PPHLN1: variants seen among roughly 807,000 people sequenced by gnomAD.
PPHLN1 encodes the protein periphilin-1.
In PPHLN1, 29 loss-of-function variants were observed where a neutral mutation model predicts 51.3. The observed-to-expected ratio is 0.57, with a 90% CI of 0.42 to 0.77. PPHLN1 has a LOEUF of 0.77. Ranked by LOEUF, PPHLN1 falls within the 30% of genes least tolerant of loss-of-function variation. PPHLN1 has a pLI of 0.00. For synonymous variants in PPHLN1, 147 were observed against 147.8 expected (o/e 0.99, Z 0.04); for missense variants, 436 against 438.4 (o/e 0.99, Z 0.05).
chr12:42,432,022 C>G, intron 9 of PPHLN1: 1 of 1,531,178 alleles, frequency 6.5e-7, no homozygotes, highest in Non-Finnish European at 9.1e-7. Context: ...GGATTGCTGT[C>G]TGGATCTTTG....
chr12:42,402,473 G>C (rs1376918483), intron 9 of PPHLN1, among the ~76,000 whole-genome samples: 1 of 152,070 alleles, frequency 6.6e-6, no homozygotes, highest in South Asian at 2.1e-4. Flanking sequence ...TTTGAATTCC[G>C]TACTATCACC....
At chr12:42,398,804 G>A in intron 8 of PPHLN1, 50 bp from the exon 9 acceptor site, 1 of 1,577,976 alleles carries the variant, frequency 6.3e-7, no homozygotes, top group Non-Finnish European at 8.7e-7. Flanking sequence ...CATCTGAACT[G>A]CTCTATGTTT....
At chr12:42,426,824 A>G (rs1014898283) in intron 9 of PPHLN1, among the ~76,000 whole-genome samples, 2 of 152,176 alleles carry the variant, frequency 1.3e-5, no homozygotes, top group Non-Finnish European at 2.9e-5. Context: ...GTTCTGAGAC[A>G]TAACTTCTGT....
intron 1 of PPHLN1, chr12:42,329,677 A>G (rs1053100324): frequency 1.3e-5 from 2 of 152,216 alleles, no homozygotes; most frequent in Non-Finnish European, 2.9e-5. Context: ...ATCTTAGATT[A>G]TTAGTGCTAA....
At chr12:42,350,011 G>C (rs1260718518) in intron 2 of PPHLN1, among the ~76,000 whole-genome samples, 5 of 149,796 alleles carry the variant, frequency 3.3e-5, no homozygotes, top group Non-Finnish European at 7.4e-5. Flanking sequence ...CCACCCCCCA[G>C]AGGGGGTGGC....
chr12:42,349,078 G>C (rs1269106512), intron 2 of PPHLN1, among the ~76,000 whole-genome samples: 1 of 152,042 alleles, frequency 6.6e-6, no homozygotes, highest in Non-Finnish European at 1.5e-5. Flanking sequence ...AAATTTCCTA[G>C]CTATTGAGAG....
chr12:42,445,164 G>T (rs528740709), downstream of PPHLN1: 799 of 701,522 alleles, frequency 1.1e-3, 2 homozygotes, highest in Non-Finnish European at 1.9e-3. Context: ...ACATATTTGA[G>T]CCCACAGCTC....
chr12:42,417,236 CAG>C (rs535994897), intron 9 of PPHLN1, among the ~76,000 whole-genome samples: 2 of 152,156 alleles, frequency 1.3e-5, no homozygotes, highest in South Asian at 4.1e-4. Flanking sequence ...AGAGGAAAAA[CAG>C]AATAACTGAT....
intron 9 of PPHLN1, chr12:42,400,328 C>A: frequency 6.6e-6 from 1 of 151,340 alleles, no homozygotes. Flanking sequence ...ATTAGCCGGG[C>A]GTAGTGGCGG....
rs1010541290 is a variant in PPHLN1, at chr12:42,342,784, G to A, written c.72+6810G>A. ...GCAGCAGGGAGAACAATATTGACTAGTAGTGATGTCAAGAACAGCAACACG... is the reference window on the plus strand; with the variant it reads ...GCAGCAGGGAGAACAATATTGACTAATAGTGATGTCAAGAACAGCAACACG... On this transcript the variant is annotated intron_variant, in intron 2 of 9. Transcript: ENST00000358314. 4.6e-5 allele frequency among the ~76,000 whole-genome samples: 7 copies of A among 152,208 alleles called. No individual in the cohort carries two copies. The East Asian group carries it at 1.3e-3, about 29-fold the overall frequency.
At chr12:42,414,621 C>G (rs1259325167) in intron 9 of PPHLN1, among the ~76,000 whole-genome samples, 1 of 152,168 alleles carries the variant, frequency 6.6e-6, no homozygotes, top group Non-Finnish European at 1.5e-5. Context: ...TTCATATACA[C>G]TGATTTTGTA....
chr12:42,415,559 G>T (rs2080300228), intron 9 of PPHLN1, among the ~76,000 whole-genome samples: 1 of 152,180 alleles, frequency 6.6e-6, no homozygotes, highest in Non-Finnish European at 1.5e-5. Flanking sequence ...AGACCCCTCA[G>T]ATCCAACTCA....
intron 4 of PPHLN1, among the ~76,000 whole-genome samples, chr12:42,366,373 G>A (rs909340678): frequency 6.6e-5 from 10 of 151,862 alleles, no homozygotes; most frequent in East Asian, 5.8e-4. Context: ...GATTACAGGC[G>A]TACGCCACCA....
intron 4 of PPHLN1, among the ~76,000 whole-genome samples, chr12:42,370,290 G>T (rs890040463): frequency 2.0e-5 from 3 of 152,200 alleles, no homozygotes; most frequent in Admixed American, 2.0e-4. Flanking sequence ...GCTGAGGCAG[G>T]TAGGTCTATG....
chr12:42,332,590 T>G, intron 1 of PPHLN1: 3 of 1,011,470 alleles, frequency 3.0e-6, no homozygotes, highest in Non-Finnish European at 4.6e-6. Context: ...AATGAAGATT[T>G]AATTATTTCT....
chr12:42,347,929 T>C (rs1443596611), intron 2 of PPHLN1, among the ~76,000 whole-genome samples: 3 of 152,188 alleles, frequency 2.0e-5, no homozygotes, highest in Non-Finnish European at 4.4e-5. Context: ...CATCTTTGTT[T>C]CCTTAAATCT....
At chr12:42,341,723 G>A (rs1162040384) in intron 2 of PPHLN1, among the ~76,000 whole-genome samples, 1 of 152,070 alleles carries the variant, frequency 6.6e-6, no homozygotes, top group East Asian at 1.9e-4. Flanking sequence ...CCGGGTTCAC[G>A]CCATTCTTCT....
chr12:42,415,762 A>T (rs1388830636), intron 9 of PPHLN1, among the ~76,000 whole-genome samples: 1 of 152,198 alleles, frequency 6.6e-6, no homozygotes, highest in Non-Finnish European at 1.5e-5. Flanking sequence ...GTGTTTCTAA[A>T]TTTTTTGAGG....
At chr12:42,442,896 C>G, downstream of PPHLN1, 1 of 1,199,830 alleles carries the variant, frequency 8.3e-7, no homozygotes, top group Non-Finnish European at 1.1e-6. Context: ...TTCGCAGGCT[C>G]AATTAAGGGA....
Sources: gnomAD v4.1 joint callset for allele counts (sites outside exome capture counted in the v4.1 genomes callset) on GRCh38, gnomAD v4.1.1 for gene constraint, MANE v1.5 for transcripts, NCBI Gene and HGNC (gene_info 2026-07-23, HGNC 2026-07-21) for gene names.